PTGIS: variants seen among roughly 807,000 people sequenced by gnomAD.
PTGIS encodes the protein prostacyclin synthase.
PTGIS carries 45 observed loss-of-function variants against 50.3 expected under a neutral mutation model. The observed-to-expected ratio is 0.90, with a 90% CI of 0.70 to 1.15. PTGIS has a LOEUF of 1.15. PTGIS is among the 50% of genes most tolerant of loss of function. PTGIS has a pLI of 0.00. For synonymous variants in PTGIS, 260 were observed against 267.7 expected (o/e 0.97, Z 0.28); for missense variants, 668 against 661.3 (o/e 1.01, Z -0.11).
intron 9 of PTGIS, among the ~76,000 whole-genome samples, chr20:49,508,806 C>T (rs1202236865): frequency 6.6e-6 from 1 of 152,216 alleles, no homozygotes; most frequent in Non-Finnish European, 1.5e-5. Flanking sequence ...TTCGCAGCTG[C>T]CATGCCTATG....
intron 6 of PTGIS, among the ~76,000 whole-genome samples, chr20:49,519,282 A>C (rs1485812322): frequency 6.6e-6 from 1 of 151,944 alleles, no homozygotes; most frequent in East Asian, 1.9e-4. Flanking sequence ...GGGGTTCTGG[A>C]TTCAGGAAGC....
At chr20:49,508,716 A>G (rs1424044435) in intron 9 of PTGIS, among the ~76,000 whole-genome samples, 1 of 152,224 alleles carries the variant, frequency 6.6e-6, no homozygotes, top group Non-Finnish European at 1.5e-5. Context: ...CATCTCTGAG[A>G]AAATTGTCCT....
intron 6 of PTGIS, among the ~76,000 whole-genome samples, chr20:49,519,807 T>A (rs529513569): frequency 6.6e-6 from 1 of 152,204 alleles, no homozygotes; most frequent in South Asian, 2.1e-4. Flanking sequence ...CCTGGATTCA[T>A]CCTTGATGGC....
chr20:49,564,344 T>C (rs886935968), intron 1 of PTGIS, among the ~76,000 whole-genome samples: 13 of 152,024 alleles, frequency 8.6e-5, no homozygotes, highest in African/African-American at 3.1e-4. Flanking sequence ...CTCCGCCTCC[T>C]GGGTTCACGC....
chr20:49,540,227 C>T lies in PTGIS; in HGVS notation c.522-506G>A, dbSNP rs570646251. Among the ~76,000 whole-genome samples the T allele has an allele frequency of 6.6e-5, 10 of 152,036 alleles. No homozygotes were observed. In the East Asian group the frequency reaches 1.4e-3, roughly 21 times the overall value. ...GGCTGCAGCAGAGAGCTCGAGGGGACGGTGCTGAGATGGGGGCACAGAGAA... is the reference window on the plus strand; with the variant it reads ...GGCTGCAGCAGAGAGCTCGAGGGGATGGTGCTGAGATGGGGGCACAGAGAA... On this transcript the variant is annotated intron_variant, in intron 4 of 9. Transcript: ENST00000244043. This position sits in a 1 kb window ranked among gnomAD's most constrained non-coding sequence, Gnocchi z 4.8.
intron 6 of PTGIS, among the ~76,000 whole-genome samples, chr20:49,520,337 T>C (rs1981615661): frequency 1.2e-5 from 1 of 86,432 alleles, no homozygotes; most frequent in Admixed American, 1.2e-4. Context: ...CCTCTAATAC[T>C]TTTTTTTTTT....
chr20:49,550,773 G>A (rs1601200377), intron 1 of PTGIS, among the ~76,000 whole-genome samples: 1 of 152,186 alleles, frequency 6.6e-6, no homozygotes. Context: ...TCCTTTTCTG[G>A]AGTATTACTT....
In PTGIS at chr20:49,524,053, C is replaced by G. The variant is rs369842524; in HGVS notation, c.855+5G>C. Reference sequence around the variant, plus strand: ...GCACACACCCACTTGCACATTCACACCCACCTGTGTGGCCCACAGCTGCAG... The same window carrying G: ...GCACACACCCACTTGCACATTCACAGCCACCTGTGTGGCCCACAGCTGCAG... On this transcript the variant is annotated splice_donor_5th_base_variant and intron_variant, in intron 6 of 9. Transcript: ENST00000244043. 2.5e-5 allele frequency: 41 copies of G among 1,614,140 alleles called. No individual in the cohort carries two copies. The Admixed American group carries it at 6.3e-4, about 25-fold the overall frequency.
At chr20:49,557,939 C>T (rs947868599) in intron 1 of PTGIS, among the ~76,000 whole-genome samples, 2 of 152,112 alleles carry the variant, frequency 1.3e-5, no homozygotes, top group African/African-American at 4.8e-5. Context: ...CCCTCAAAGT[C>T]GTCTTTGGAG....
At chr20:49,538,662 CATTTATTTATTTATTTATTT>C (rs373597100) in intron 5 of PTGIS, among the ~76,000 whole-genome samples, 3 of 148,316 alleles carry the variant, frequency 2.0e-5, no homozygotes, top group African/African-American at 5.1e-5. Flanking sequence ...CTTCTCAGTG[CATTTATTTATTTATTTATTT>C]ATTTATTTAT....
Position 49,524,153 on chromosome 20 carries a change from T to A in PTGIS, c.760A>T (p.Lys254Ter). The change falls in exon 6 of 10, where the codon AAA becomes TAA. Residue 254 changes from lysine to a stop codon, truncating the protein, a stop_gained. Coordinates refer to ENST00000244043, the MANE Select transcript of PTGIS (RefSeq NM_000961.4). LOFTEE classifies it high-confidence loss of function. ...ARLARRAHRS[K>*]WLESYLLHLE... ...TGCAGCAGGTAACTCTCCAGCCATT[T>A]GCTCCGGTGGGCCCGCCTGGCCAGC... The A allele has an allele frequency of 6.2e-7, 1 of 1,614,266 alleles. No homozygotes were observed. The highest frequency in any genetic ancestry group is 8.5e-7 in the Non-Finnish European group (1 of 1,180,048).
intron 6 of PTGIS, among the ~76,000 whole-genome samples, chr20:49,516,710 C>T (rs1343504941): frequency 3.3e-5 from 5 of 152,232 alleles, no homozygotes; most frequent in East Asian, 1.9e-4. Flanking sequence ...AACCACACTC[C>T]TCTGCTCAAT....
At position 49,533,697 on chromosome 20, in the gene PTGIS, C is replaced by T. The variant is rs750682878; in HGVS notation, c.673+5873G>A. 5.4e-4 allele frequency among the ~76,000 whole-genome samples: 82 copies of T among 152,236 alleles called. 1 individual carries two copies. The highest frequency in any genetic ancestry group is 5.8e-4 in the East Asian group (3 of 5,186). On this transcript the variant is annotated intron_variant, in intron 5 of 9. Transcript: ENST00000244043. ...AATGGCCGGGTGTGGTGGCTCACAC[C>T]GGTAATCCTAGCACTTTGGGAGGCT...
intron 5 of PTGIS, among the ~76,000 whole-genome samples, chr20:49,538,430 A>G (rs574566855): frequency 6.6e-6 from 1 of 152,158 alleles, no homozygotes; most frequent in African/African-American, 2.4e-5. Context: ...AAAACAAAAA[A>G]TAAATAAAAA....
At chr20:49,528,518 G>C (rs1388589099) in intron 5 of PTGIS, among the ~76,000 whole-genome samples, 1 of 152,184 alleles carries the variant, frequency 6.6e-6, no homozygotes, top group African/African-American at 2.4e-5. Context: ...TACTCAGGAG[G>C]CTGGGGCAGG....
chr20:49,531,570 C>G (rs1981937744), intron 5 of PTGIS, among the ~76,000 whole-genome samples: 1 of 152,182 alleles, frequency 6.6e-6, no homozygotes, highest in African/African-American at 2.4e-5. Flanking sequence ...TAAAAATCTT[C>G]CCACTGGGAA....
chr20:49,534,539 A>T (rs1312325465), intron 5 of PTGIS, among the ~76,000 whole-genome samples: 1 of 152,110 alleles, frequency 6.6e-6, no homozygotes, highest in Non-Finnish European at 1.5e-5. Context: ...GTGTGGAGGA[A>T]ATGGTAATGG....
At position 49,507,996 on chromosome 20, in the gene PTGIS, A is replaced by C; in HGVS notation, c.1427T>G (p.Phe476Cys). ...LINADVEIPE[F>C]DLSRYGFGLM... ...ACCGAAGCCGTACCTGCTGAGGTCAAACTCAGGGATCTCCACATCTGCGTT... is the reference window on the plus strand; with the variant it reads ...ACCGAAGCCGTACCTGCTGAGGTCACACTCAGGGATCTCCACATCTGCGTT... Residue 476 changes from phenylalanine (F) to cysteine (C), a missense_variant, in exon 10 of 10, where the codon TTT (phenylalanine) becomes TGT (cysteine). Phe to Cys is a radical substitution (Grantham distance 205, BLOSUM62 -2). Transcript: ENST00000244043. 6.2e-7 allele frequency: 1 copy of C among 1,614,016 alleles called. No homozygotes were observed. Among genetic ancestry groups the C allele is most frequent in the Non-Finnish European group, 8.5e-7 (1 of 1,180,050 alleles).
At chr20:49,516,004 C>G (rs1981463585) in intron 6 of PTGIS, among the ~76,000 whole-genome samples, 1 of 151,890 alleles carries the variant, frequency 6.6e-6, no homozygotes, top group Admixed American at 6.6e-5. Context: ...CCTTAGCCTC[C>G]CAAGGAGCTG....
Sources: gnomAD v4.1 joint callset for allele counts (sites outside exome capture counted in the v4.1 genomes callset) on GRCh38, gnomAD v4.1.1 for gene constraint, Gnocchi (gnomAD v3.1) non-coding constraint, MANE v1.5 for transcripts, NCBI Gene and HGNC (gene_info 2026-07-23, HGNC 2026-07-21) for gene names.